The following CASK variants were observed in gnomAD, a reference collection of about 807,000 sequenced individuals.
CASK encodes the protein calcium/calmodulin dependent serine protein kinase.
CASK carries 4 observed loss-of-function variants against 82.9 expected under a neutral mutation model. The ratio of observed to expected loss-of-function variants is 0.05; its 90% CI spans 0.02 to 0.11. CASK has a LOEUF of 0.11. Among genes scored for constraint, CASK ranks in the 10% least tolerant of loss-of-function variants. The probability of loss-of-function intolerance (pLI) is 1.00; values close to 1 mark genes in which losing one functional copy is unlikely to be tolerated. For missense variants in CASK, 358 were observed against 720.9 expected, an observed-to-expected ratio of 0.50 and a Z score of 5.76; for synonymous variants, 259 against 253.5, an observed-to-expected ratio of 1.02 and a Z score of -0.20.
intron 3 of CASK, among the ~76,000 whole-genome samples, chrX:41,781,469 A>C (rs1275113756): frequency 2.7e-5 from 3 of 112,346 alleles, no homozygotes; most frequent in Non-Finnish European, 5.6e-5. Flanking sequence ...CAAACAACAA[A>C]ACTAACTGAC....
intron 1 of CASK, among the ~76,000 whole-genome samples, chrX:41,859,825 G>A (rs1285298801): frequency 1.8e-5 from 2 of 111,069 alleles, no homozygotes; most frequent in South Asian, 3.8e-4. Flanking sequence ...TGTATTGATC[G>A]GTTGATGAAA....
At chrX:41,561,880 T>A (rs907877140) in intron 16 of CASK, 1 of 356,988 alleles carries the variant, frequency 2.8e-6, no homozygotes, top group Non-Finnish European at 4.9e-6. Context: ...AAATCTATTT[T>A]TCTGAGAGAG....
intron 2 of CASK, among the ~76,000 whole-genome samples, chrX:41,800,006 C>T (rs1479904808): frequency 9.2e-6 from 1 of 108,848 alleles, no homozygotes; most frequent in Non-Finnish European, 1.9e-5. Flanking sequence ...CATTTCTCTC[C>T]CCTGAACTCC....
intron 16 of CASK, among the ~76,000 whole-genome samples, chrX:41,568,066 A>G (rs1477684037): frequency 1.1e-5 from 1 of 91,661 alleles, no homozygotes; most frequent in Admixed American, 1.2e-4. Context: ...AGGGCGGGGA[A>G]CATCACACAC....
At chrX:41,915,723 C>T (rs1051132865) in intron 1 of CASK, among the ~76,000 whole-genome samples, 26 of 110,408 alleles carry the variant, frequency 2.4e-4, no homozygotes, top group African/African-American at 7.9e-4. Flanking sequence ...GACGCGGTGG[C>T]TCACGCCTGT....
chrX:41,775,174 A>C (rs2069331065), intron 3 of CASK, among the ~76,000 whole-genome samples: 1 of 108,607 alleles, frequency 9.2e-6, no homozygotes, highest in South Asian at 4.1e-4. Context: ...CAATGAACTC[A>C]AACAAATTTA....
rs1459930218 is a variant in CASK at position 41,740,674 on chromosome X, CCAAGCCTTGTTCCTGTACTAATCA to C, written c.357-1242_357-1219del. On this transcript the variant is annotated intron_variant, in intron 4 of 26. Transcript: ENST00000378163. ...AGAAAAAACAAAAACAAAAACAAAC[CCAAGCCTTGTTCCTGTACTAATCA>C]CAAGCCTTGTTCCTGTACTAATCAC... Among the ~76,000 whole-genome samples, 205 of 111,440 alleles carry C rather than the reference CCAAGCCTTGTTCCTGTACTAATCA, an allele frequency of 1.8e-3. 1 individual carries two copies. The highest frequency in any genetic ancestry group is 5.6e-3 in the African/African-American group (173 of 30,734).
chrX:41,780,480 G>A (rs1386392576), intron 3 of CASK, among the ~76,000 whole-genome samples: 1 of 111,200 alleles, frequency 9.0e-6, no homozygotes, highest in African/African-American at 3.3e-5. Context: ...TGGGACCTGG[G>A]TACCTGCTTG....
At chrX:41,848,342 T>C (rs774666179) in intron 2 of CASK, among the ~76,000 whole-genome samples, 1 of 111,730 alleles carries the variant, frequency 9.0e-6, no homozygotes, top group African/African-American at 3.3e-5. Context: ...GTCAGGGGGG[T>C]GGATCCCTCA....
intron 4 of CASK, among the ~76,000 whole-genome samples, chrX:41,744,129 C>CA (rs79706632): frequency 0.013 from 1,150 of 91,541 alleles, 14 homozygotes; most frequent in African/African-American, 0.036. Context: ...GCACCCCCCG[C>CA]AAAAAAAAAA....
At chrX:41,891,653 G>A (rs776134141) in intron 1 of CASK, among the ~76,000 whole-genome samples, 21 of 110,955 alleles carry the variant, frequency 1.9e-4, no homozygotes, top group African/African-American at 6.9e-4. Flanking sequence ...CGAACAAAGA[G>A]GCTTCTTCTG....
At chrX:41,743,351 A>G (rs1461416824) in intron 4 of CASK, among the ~76,000 whole-genome samples, 1 of 112,069 alleles carries the variant, frequency 8.9e-6, no homozygotes, top group East Asian at 2.8e-4. Context: ...AAAGAATAAA[A>G]ATTTAAAATT....
chrX:41,588,899 A>G (rs1213129233), intron 13 of CASK, among the ~76,000 whole-genome samples: 1 of 111,889 alleles, frequency 8.9e-6, no homozygotes, highest in Non-Finnish European at 1.9e-5. Context: ...GTAGGTTAAA[A>G]AAGACACATT....
At chrX:41,914,019 G>GCA (rs1188703741) in intron 1 of CASK, among the ~76,000 whole-genome samples, 3 of 111,958 alleles carry the variant, frequency 2.7e-5, no homozygotes, top group Non-Finnish European at 5.6e-5. Context: ...ATGGTAATCT[G>GCA]CACACCATGG....
In CASK at chrX:41,519,939, C is replaced by T. The variant is rs1001493299; in HGVS notation, c.*481G>A. Reference sequence around the variant, plus strand: ...ATTTATGACTGTTTTGTAATCACTACACTAATTATTTCAAATAAATAAAGG... The same window carrying T: ...ATTTATGACTGTTTTGTAATCACTATACTAATTATTTCAAATAAATAAAGG... On this transcript the variant is annotated 3_prime_UTR_variant, in exon 27 of 27. Transcript: ENST00000378163. 6.5e-5 allele frequency: 7 copies of T among 108,192 alleles called. No individual in the cohort carries two copies. The highest frequency in any genetic ancestry group is 1.3e-4 in the Non-Finnish European group (7 of 52,448). The allele number at this position is 108,192 out of a possible 1,213,427, so 8.9% of individuals were successfully genotyped here.
chrX:41,743,714 T>G, intron 4 of CASK: 2 of 297,625 alleles, frequency 6.7e-6, no homozygotes, highest in Non-Finnish European at 1.2e-5. Context: ...CCAAGTTGTT[T>G]CCAGCTATGT....
rs1203498268 is a variant in CASK at position 41,530,997 on chromosome X, T to C, written c.2520+10A>G. The C allele has an allele frequency of 1.7e-6, 2 of 1,202,285 alleles. No individual in the cohort carries two copies. The highest frequency in any genetic ancestry group is 1.1e-6 in the Non-Finnish European group (1 of 886,910). ...CAGGATGTCAGACATTCGGGGAGGC[T>C]GGGCATTACCTGAGGCTCCACGTCC... On this transcript the variant is annotated intron_variant, in intron 25 of 26. Coordinates refer to ENST00000378163, the MANE Select transcript of CASK (RefSeq NM_001367721.1).
chrX:41,910,061 A>C (rs576040962), intron 1 of CASK, among the ~76,000 whole-genome samples: 8 of 111,441 alleles, frequency 7.2e-5, no homozygotes, highest in African/African-American at 2.6e-4. Context: ...GTCTCTACTA[A>C]AAATACAAGA....
intron 5 of CASK, among the ~76,000 whole-genome samples, chrX:41,699,951 T>A (rs569716848): frequency 8.9e-6 from 1 of 112,054 alleles, no homozygotes; most frequent in South Asian, 3.7e-4. Context: ...CTACCTCTCC[T>A]AACCCAAGGT....
Sources: allele counts gnomAD v4.1 joint callset (sites outside exome capture counted in the v4.1 genomes callset), GRCh38; gene constraint gnomAD v4.1.1; transcripts MANE v1.5; gene names NCBI Gene and HGNC (gene_info 2026-07-23, HGNC 2026-07-21).